The following MS4A15 variants were observed in gnomAD, a reference collection of about 807,000 sequenced individuals.
The protein encoded by MS4A15 is membrane-spanning 4-domains subfamily A member 15.
MS4A15 carries 22 observed loss-of-function variants against 20.6 expected under a neutral mutation model. The observed-to-expected ratio is 1.07, with a 90% CI of 0.76 to 1.52. The LOEUF is 1.52. Ranked by LOEUF, MS4A15 falls within the 40% of genes most tolerant of loss-of-function variation. The pLI, the probability that MS4A15 is intolerant of heterozygous loss-of-function variation, is 0.00. For missense variants in MS4A15, 312 were observed against 323.0 expected (o/e 0.97, Z 0.26); for synonymous variants, 129 against 129.3 (o/e 1.00, Z 0.02).
At chr11:60,770,286 T>C (rs755053780) in intron 3 of MS4A15, among the ~76,000 whole-genome samples, 15 of 152,158 alleles carry the variant, frequency 9.9e-5, no homozygotes, top group Non-Finnish European at 2.1e-4. Flanking sequence ...GTTTGCTAAG[T>C]GTCAGTCTTC....
Position 60,775,720 on chromosome 11 carries a change from CAGATGTGG to C in MS4A15, c.*6_*13del. 1 of 1,609,520 alleles carries C rather than the reference CAGATGTGG, an allele frequency of 6.2e-7. No individual in the cohort carries two copies. The highest frequency in any genetic ancestry group is 1.7e-5 in the Admixed American group (1 of 59,840). On this transcript the variant is annotated 3_prime_UTR_variant, in exon 7 of 7. Transcript: ENST00000405633. ...TATGCCCAAGGAGTCGTCTGAGTAG[CAGATGTGG>C]CACCTGCGGGTGGAGTCCAGCCTTT... is the stretch of plus-strand genomic sequence containing the variant.
intron 2 of MS4A15, 62 bp from the exon 3 acceptor site, chr11:60,767,471 G>T (rs879430821): frequency 4.2e-6 from 6 of 1,413,102 alleles, no homozygotes; most frequent in African/African-American, 1.5e-5. Context: ...CGCTCTCCGC[G>T]GGGCCGGCAG....
chr11:60,773,580 G>A (rs1020470752), intron 5 of MS4A15, 96 bp downstream of exon 5: 32 of 1,130,404 alleles, frequency 2.8e-5, no homozygotes, highest in South Asian at 1.5e-4. Context: ...GCGCCAGGAC[G>A]TTGGCAGGGC....
chr11:60,763,955 G>T lies in MS4A15; in HGVS notation c.222G>T (p.Leu74Phe). 6.2e-7 allele frequency: 1 copy of T among 1,611,352 alleles called. No individual in the cohort carries two copies. The highest frequency in any genetic ancestry group is 1.1e-5 in the South Asian group (1 of 90,916). ...ETFLTGEPKV[L>F]GTVQILIGLI... ...TCCTGACAGGAGAGCCCAAAGTTTT[G>T]GGGGTAAGAACAGCCTCTCTGCACA... is the stretch of plus-strand genomic sequence containing the variant. The change falls in exon 2 of 7, where the codon TTG (leucine) becomes TTT (phenylalanine). Residue 74 changes from leucine (L) to phenylalanine (F), a missense_variant. Transcript: ENST00000405633.
intron 5 of MS4A15, 44 bp from the exon 6 acceptor site, chr11:60,773,793 C>A: frequency 6.4e-7 from 1 of 1,554,022 alleles, no homozygotes; most frequent in Middle Eastern, 1.8e-4. Flanking sequence ...GACCCCCTTA[C>A]TCTAGAACTC....
chr11:60,757,522 C>G (rs934215558), intron 1 of MS4A15, among the ~76,000 whole-genome samples: 2 of 152,316 alleles, frequency 1.3e-5, no homozygotes, highest in African/African-American at 4.8e-5. Context: ...GGGGGGTCCT[C>G]TCTCTACTTC....
At chr11:60,771,587 A>G (rs1247143959) in intron 4 of MS4A15, 1 of 1,516,784 alleles carries the variant, frequency 6.6e-7, no homozygotes, top group African/African-American at 1.4e-5. Flanking sequence ...GTCCATGCTC[A>G]TGGTCATTCC....
intron 1 of MS4A15, among the ~76,000 whole-genome samples, chr11:60,757,406 C>G (rs1853621626): frequency 6.6e-6 from 1 of 152,180 alleles, no homozygotes; most frequent in South Asian, 2.1e-4. Context: ...TCCTCTTTAT[C>G]TGCCAGATTG....
Position 60,771,298 on chromosome 11 carries a change from T to C in MS4A15, c.356T>C (p.Ile119Thr), listed in dbSNP as rs2134724671. The C allele has an allele frequency of 1.2e-6, 2 of 1,613,904 alleles. No individual in the cohort carries two copies. Among genetic ancestry groups the C allele is most frequent in the African/African-American group, 1.3e-5 (1 of 75,004 alleles). The part of the protein sequence containing the change: ...VPFWGGACFI[I>T]SGSLSVAAEK... ...TCCCCTCTCCCCATACAGTTCATCA[T>C]CTCCGGATCCCTCTCAGTGGCAGCC... The change falls in exon 4 of 7, where the codon ATC becomes ACC. Residue 119 changes from isoleucine to threonine, a missense_variant. Coordinates refer to ENST00000405633, the MANE Select transcript of MS4A15 (RefSeq NM_001098835.2).
intron 1 of MS4A15, among the ~76,000 whole-genome samples, chr11:60,757,421 G>A (rs1259078156): frequency 6.6e-6 from 1 of 152,122 alleles, no homozygotes; most frequent in Non-Finnish European, 1.5e-5. Flanking sequence ...AGATTGCAGT[G>A]GGTCAGACCG....
intron 5 of MS4A15, 50 bp from the exon 6 acceptor site, chr11:60,773,784 ACCC>A: frequency 6.7e-7 from 1 of 1,493,134 alleles, no homozygotes; most frequent in Non-Finnish European, 9.3e-7. Context: ...CACTCGGGGG[ACCC>A]CCTTACTCTA....
At chr11:60,763,670 G>A in intron 1 of MS4A15, 36 bp from the exon 2 acceptor site, 1 of 1,558,800 alleles carries the variant, frequency 6.4e-7, no homozygotes, top group South Asian at 1.1e-5. Flanking sequence ...TTATGCACAT[G>A]GGTGACAATC....
At chr11:60,769,995 CCTG>C (rs1853990730) in intron 3 of MS4A15, among the ~76,000 whole-genome samples, 1 of 152,362 alleles carries the variant, frequency 6.6e-6, no homozygotes, top group South Asian at 2.1e-4. Context: ...AAATTGCAGA[CCTG>C]CTAAGCTGCA....
At position 60,759,806 on chromosome 11, in the gene MS4A15, T is replaced by C. The variant is rs548446133; in HGVS notation, c.-29+2748T>C. Reference sequence around the variant, plus strand: ...CACATCTGGGCACAGTACCTTCCCTTGAACTTATTTATGATGCAGATTCCC... The same window carrying C: ...CACATCTGGGCACAGTACCTTCCCTCGAACTTATTTATGATGCAGATTCCC... On this transcript the variant is annotated intron_variant, in intron 1 of 6. Transcript: ENST00000405633. Among the ~76,000 whole-genome samples the C allele has an allele frequency of 3.6e-4, 55 of 152,262 alleles. 1 individual carries two copies. The highest frequency in any genetic ancestry group is 3.5e-3 in the Admixed American group (54 of 15,298).
intron 1 of MS4A15, among the ~76,000 whole-genome samples, chr11:60,761,569 A>G (rs1303578932): frequency 1.3e-5 from 2 of 152,194 alleles, no homozygotes; most frequent in Non-Finnish European, 2.9e-5. Context: ...AAATCAGACT[A>G]TTGGATCTGG....
intron 1 of MS4A15, among the ~76,000 whole-genome samples, 172 bp downstream of exon 1, chr11:60,757,230 C>T (rs1853618774): frequency 6.6e-6 from 1 of 152,238 alleles, no homozygotes; most frequent in African/African-American, 2.4e-5. Flanking sequence ...CTCTACACAA[C>T]GCTATGATCT....
chr11:60,765,905 GACAA>G (rs1353161129), intron 2 of MS4A15, among the ~76,000 whole-genome samples: 11 of 150,552 alleles, frequency 7.3e-5, no homozygotes, highest in African/African-American at 1.5e-4. Flanking sequence ...AAATTGATGA[GACAA>G]ACAAACTGCT....
intron 2 of MS4A15, among the ~76,000 whole-genome samples, chr11:60,764,315 G>C (rs1853827947): frequency 6.6e-6 from 1 of 152,224 alleles, no homozygotes; most frequent in African/African-American, 2.4e-5. Flanking sequence ...GGAAGGGCTG[G>C]AGAGGGAGGG....
intron 1 of MS4A15, among the ~76,000 whole-genome samples, chr11:60,760,321 A>G (rs950799525): frequency 2.0e-5 from 3 of 152,230 alleles, no homozygotes; most frequent in African/African-American, 7.2e-5. Flanking sequence ...GCTCAAGCTC[A>G]CATGATTATT....
Sources: allele counts gnomAD v4.1 joint callset (sites outside exome capture counted in the v4.1 genomes callset), GRCh38; gene constraint gnomAD v4.1.1; transcripts MANE v1.5; gene names NCBI Gene and HGNC (gene_info 2026-07-23, HGNC 2026-07-21).